The following ADAM12 variants were observed in gnomAD, a reference collection of about 807,000 sequenced individuals.
ADAM12 encodes disintegrin and metalloproteinase domain-containing protein 12.
Under a neutral mutation model 106.4 loss-of-function variants are expected in ADAM12, and 70 were observed. That is an observed-to-expected ratio of 0.66 (90% CI 0.54 to 0.80). The LOEUF (loss-of-function observed/expected upper bound fraction) is 0.80. Ranked by LOEUF, ADAM12 falls within the 30% of genes least tolerant of loss-of-function variation. ADAM12 has a pLI of 0.00. For missense variants in ADAM12, 1,010 were observed against 1,171.9 expected, an observed-to-expected ratio of 0.86 and a Z score of 2.02; for synonymous variants, 420 against 433.5, an observed-to-expected ratio of 0.97 and a Z score of 0.39.
At position 126,016,538 on chromosome 10, in the gene ADAM12, T is replaced by C. The variant is rs1953664543; in HGVS notation, c.*741A>G. ...CTTGGCATTTCTATCAAGCACCGCC[T>C]TGAGTGACACTACAGACCCCTTCCA... On this transcript the variant is annotated 3_prime_UTR_variant, in exon 23 of 23. Coordinates refer to ENST00000448723, the MANE Select transcript of ADAM12 (RefSeq NM_001288973.2). 6.6e-6 allele frequency: 1 copy of C among 152,206 alleles called. No individual in the cohort carries two copies. Among genetic ancestry groups the C allele is most frequent in the Non-Finnish European group, 1.5e-5 (1 of 68,054 alleles). 9.4% of individuals were successfully genotyped at this position (152,206 alleles called of 1,614,324 possible). A position where few individuals can be genotyped will look rare whatever the true frequency, so the allele number is the denominator to read the frequency against.
intron 1 of ADAM12, among the ~76,000 whole-genome samples, chr10:126,352,335 G>A (rs1160383523): frequency 6.6e-6 from 1 of 152,112 alleles, no homozygotes; most frequent in Non-Finnish European, 1.5e-5. Flanking sequence ...TAGTATTTAT[G>A]TCAAGTGATA....
At chr10:126,293,900 A>T (rs11244938) in intron 2 of ADAM12, among the ~76,000 whole-genome samples, 1 of 151,932 alleles carries the variant, frequency 6.6e-6, no homozygotes, top group Admixed American at 6.6e-5. Flanking sequence ...CTTCTCTCCA[A>T]TCTCTGCTCT....
intron 4 of ADAM12, among the ~76,000 whole-genome samples, chr10:126,153,729 C>G (rs773886063): frequency 7.9e-5 from 12 of 152,088 alleles, no homozygotes; most frequent in Non-Finnish European, 5.9e-5. Context: ...TCCATGAGGG[C>G]ATCTCATGTT....
intron 19 of ADAM12, among the ~76,000 whole-genome samples, chr10:126,038,952 CTT>C (rs34277276): frequency 0.033 from 2,395 of 71,586 alleles, 63 homozygotes; most frequent in African/African-American, 0.11. Flanking sequence ...GACACCATTT[CTT>C]TTTTTTTTTT....
chr10:126,166,739 C>T (rs543179798), intron 3 of ADAM12, among the ~76,000 whole-genome samples: 22 of 152,188 alleles, frequency 1.4e-4, no homozygotes, highest in Middle Eastern at 3.4e-3. Flanking sequence ...CCTTGTGATC[C>T]GCCCGCCTCG....
In ADAM12 at chr10:126,342,663, G is replaced by C. The variant is rs574373875; in HGVS notation, c.89-12154C>G. Among the ~76,000 whole-genome samples, 4 of 152,312 alleles carry C rather than the reference G, an allele frequency of 2.6e-5. No homozygotes were observed. The South Asian group carries it at 8.3e-4, about 32-fold the overall frequency. ...TTCTGATCTATTCCCACAGACAAGA[G>C]AACTGGTCCAATCCAGTATCGGCTG... On this transcript the variant is annotated intron_variant, in intron 1 of 22. Coordinates refer to ENST00000448723, the MANE Select transcript of ADAM12 (RefSeq NM_001288973.2).
At chr10:126,133,142 C>T (rs991011084) in intron 5 of ADAM12, among the ~76,000 whole-genome samples, 28 of 152,168 alleles carry the variant, frequency 1.8e-4, no homozygotes, top group African/African-American at 6.5e-4. Flanking sequence ...CCTGCAGCCT[C>T]TCAGGATGAT....
chr10:126,316,783 CAAAA>C (rs376131530), intron 2 of ADAM12, among the ~76,000 whole-genome samples: 5 of 82,758 alleles, frequency 6.0e-5, no homozygotes, highest in Admixed American at 1.2e-4. Flanking sequence ...GACCCTATCT[CAAAA>C]AAAAAAAAAA....
chr10:126,323,755 G>A (rs1156419162), intron 2 of ADAM12, among the ~76,000 whole-genome samples: 1 of 152,146 alleles, frequency 6.6e-6, no homozygotes, highest in Non-Finnish European at 1.5e-5. Flanking sequence ...CATGGTTGGG[G>A]TCTAAGGCCA....
intron 3 of ADAM12, among the ~76,000 whole-genome samples, chr10:126,252,699 A>G (rs1565169773): frequency 6.6e-6 from 1 of 151,954 alleles, no homozygotes; most frequent in Non-Finnish European, 1.5e-5. Flanking sequence ...CAGTTCACCA[A>G]TTCAAATGCT....
intron 4 of ADAM12, among the ~76,000 whole-genome samples, chr10:126,144,918 G>C (rs1412292234): frequency 6.6e-6 from 1 of 152,138 alleles, no homozygotes; most frequent in Non-Finnish European, 1.5e-5. Context: ...GCTGGGATTC[G>C]AACCTGGGTA....
intron 1 of ADAM12, among the ~76,000 whole-genome samples, chr10:126,334,240 G>A (rs538740032): frequency 2.6e-5 from 4 of 152,116 alleles, no homozygotes; most frequent in South Asian, 2.1e-4. Flanking sequence ...TGAGAAACCC[G>A]GGGAAAAAAT....
At chr10:126,181,228 T>C (rs1356962026) in intron 3 of ADAM12, among the ~76,000 whole-genome samples, 1 of 152,020 alleles carries the variant, frequency 6.6e-6, no homozygotes, top group Non-Finnish European at 1.5e-5. Context: ...CATACCACCA[T>C]GCTCAGCTAA....
chr10:126,173,623 A>G (rs1957160583), intron 3 of ADAM12, among the ~76,000 whole-genome samples: 1 of 152,162 alleles, frequency 6.6e-6, no homozygotes, highest in African/African-American at 2.4e-5. Flanking sequence ...TCTTTTGAAT[A>G]TAGATTTTTT....
intron 3 of ADAM12, among the ~76,000 whole-genome samples, chr10:126,167,995 T>C (rs898327): frequency 0.098 from 14,892 of 152,248 alleles, 2,098 homozygotes; most frequent in African/African-American, 0.31. Context: ...CAGCCCTTGG[T>C]CACATGCATG....
intron 1 of ADAM12, among the ~76,000 whole-genome samples, chr10:126,356,410 A>G (rs900528583): frequency 2.0e-5 from 3 of 152,198 alleles, no homozygotes; most frequent in African/African-American, 4.8e-5. Context: ...CCAGCCATCT[A>G]GAGAATGGAA....
chr10:126,174,095 G>C (rs1432367323), intron 3 of ADAM12, among the ~76,000 whole-genome samples: 1 of 123,504 alleles, frequency 8.1e-6, no homozygotes, highest in Non-Finnish European at 1.6e-5. Context: ...GCAACCTCCC[G>C]CCTCCCGGTT....
intron 2 of ADAM12, among the ~76,000 whole-genome samples, chr10:126,282,959 A>G (rs1035792907): frequency 2.6e-5 from 4 of 152,056 alleles, no homozygotes; most frequent in African/African-American, 9.7e-5. Context: ...TGTAATACAT[A>G]ATGAAATACA....
At chr10:126,041,904 T>A in intron 18 of ADAM12, 4 of 1,407,046 alleles carry the variant, frequency 2.8e-6, no homozygotes, top group Non-Finnish European at 3.7e-6. Flanking sequence ...CATGTCCATG[T>A]TTTAGCAGAA....
Sources: gnomAD v4.1 joint callset for allele counts (sites outside exome capture counted in the v4.1 genomes callset) on GRCh38, gnomAD v4.1.1 for gene constraint, MANE v1.5 for transcripts, NCBI Gene and HGNC (gene_info 2026-07-23, HGNC 2026-07-21) for gene names.